Variants in TTC28 observed in about 807,000 individuals in gnomAD.
The protein encoded by TTC28 is tetratricopeptide repeat protein 28.
TTC28 carries 61 observed loss-of-function variants against 198.0 expected under a neutral mutation model. The observed-to-expected ratio is 0.31, with a 90% CI of 0.25 to 0.38. The LOEUF (loss-of-function observed/expected upper bound fraction) is 0.38. TTC28 is among the 10% of genes least tolerant of loss of function. The pLI is 1.00. For missense variants in TTC28, 2,678 were observed against 3,164.0 expected, an observed-to-expected ratio of 0.85 and a Z score of 3.69; for synonymous variants, 1,171 against 1,297.8, an observed-to-expected ratio of 0.90 and a Z score of 2.10.
At chr22:28,361,140 G>A (rs2046152278) in intron 2 of TTC28, among the ~76,000 whole-genome samples, 1 of 152,172 alleles carries the variant, frequency 6.6e-6, no homozygotes, top group Non-Finnish European at 1.5e-5. Flanking sequence ...TCAAGTGAAA[G>A]AAAGAGTTGC....
intron 2 of TTC28, among the ~76,000 whole-genome samples, chr22:28,592,823 A>T (rs2050457795): frequency 6.6e-6 from 1 of 152,120 alleles, no homozygotes; most frequent in Non-Finnish European, 1.5e-5. Flanking sequence ...CCCTTTTCTT[A>T]GAGCACAAGT....
intron 2 of TTC28, among the ~76,000 whole-genome samples, chr22:28,364,059 T>G (rs954256579): frequency 6.6e-6 from 1 of 152,166 alleles, no homozygotes; most frequent in Non-Finnish European, 1.5e-5. Context: ...ATGTAGGACA[T>G]GAGACCTGGG....
intron 2 of TTC28, among the ~76,000 whole-genome samples, chr22:28,480,699 T>C (rs192823991): frequency 6.6e-6 from 1 of 152,238 alleles, no homozygotes; most frequent in African/African-American, 2.4e-5. Flanking sequence ...GCTAATTCTT[T>C]CTAAGACTGT....
intron 18 of TTC28, chr22:27,992,987 G>A: frequency 1.8e-6 from 1 of 562,734 alleles, no homozygotes; most frequent in Non-Finnish European, 3.1e-6. Flanking sequence ...GGCCACAGCT[G>A]CTGATGACAA....
chr22:28,332,288 T>C (rs2045628195), intron 2 of TTC28, among the ~76,000 whole-genome samples: 1 of 151,944 alleles, frequency 6.6e-6, no homozygotes, highest in African/African-American at 2.4e-5. Context: ...AAACAATGCA[T>C]AAGGTCCCTA....
At chr22:28,164,779 CA>C (rs1921693483) in intron 5 of TTC28, among the ~76,000 whole-genome samples, 1 of 152,134 alleles carries the variant, frequency 6.6e-6, no homozygotes, top group South Asian at 2.1e-4. Flanking sequence ...AACAATGGAA[CA>C]AAGCTGAATG....
chr22:28,483,270 A>G (rs2048277198), intron 2 of TTC28, among the ~76,000 whole-genome samples: 2 of 152,146 alleles, frequency 1.3e-5, no homozygotes, highest in Admixed American at 1.3e-4. Flanking sequence ...GCATACAGAC[A>G]TGTAAGTGTC....
intron 6 of TTC28, among the ~76,000 whole-genome samples, chr22:28,121,271 T>C (rs1177490881): frequency 6.6e-6 from 1 of 152,264 alleles, no homozygotes. Context: ...GAACTTGGGC[T>C]TCCCAAGACA....
intron 5 of TTC28, among the ~76,000 whole-genome samples, chr22:28,212,132 T>G (rs1927026789): frequency 6.6e-6 from 1 of 152,126 alleles, no homozygotes. Context: ...AAGCAGTGCA[T>G]AGAGGGAAAT....
rs1376674060 is a variant in TTC28 at position 27,982,421 on chromosome 22, G to A, written c.7246C>T (p.Leu2416=). The change falls in exon 23 of 23, where the codon CTG becomes TTG. Residue 2416 remains leucine, a synonymous_variant. Transcript: ENST00000397906. This position sits in a 1 kb window ranked among gnomAD's most constrained non-coding sequence, Gnocchi z 5.2. ...EGVDKLELKE[L]SLQQHDGAPP... ...GCTCCGTCATGCTGCTGCAGGGACAGCTCCTTCAGTTCAAGCTTATCCACT... is the reference window on the plus strand; with the variant it reads ...GCTCCGTCATGCTGCTGCAGGGACAACTCCTTCAGTTCAAGCTTATCCACT... 1.6e-5 allele frequency: 25 copies of A among 1,551,546 alleles called. No homozygotes were observed. The highest frequency in any genetic ancestry group is 2.2e-5 in the Non-Finnish European group (25 of 1,146,982).
chr22:28,640,317 G>C (rs865989010), intron 1 of TTC28, among the ~76,000 whole-genome samples: 43 of 144,914 alleles, frequency 3.0e-4, no homozygotes, highest in Non-Finnish European at 4.9e-4. Flanking sequence ...AGTAAAGGGG[G>C]GGGGGGGAAA....
chr22:28,630,542 CT>C (rs1256485617), intron 1 of TTC28, among the ~76,000 whole-genome samples: 1 of 152,168 alleles, frequency 6.6e-6, no homozygotes, highest in Non-Finnish European at 1.5e-5. Flanking sequence ...TTTTGAACTA[CT>C]AGCCTCAAGA....
rs972294435 is a variant in TTC28 at position 28,065,465 on chromosome 22, G to A, written c.3932+28615C>T. Among the ~76,000 whole-genome samples the A allele has an allele frequency of 5.3e-5, 8 of 152,040 alleles. 1 individual carries two copies. The highest frequency in any genetic ancestry group is 1.2e-4 in the Non-Finnish European group (8 of 68,006). On this transcript the variant is annotated intron_variant, in intron 12 of 22. Transcript: ENST00000397906. ...TAACATTCTTCTTCTTCATAAAATGGTCGGGCCAACAAGAGTTAGGCATGC... is the reference window on the plus strand; with the variant it reads ...TAACATTCTTCTTCTTCATAAAATGATCGGGCCAACAAGAGTTAGGCATGC...
intron 2 of TTC28, among the ~76,000 whole-genome samples, chr22:28,483,372 A>G (rs1786656760): frequency 6.6e-6 from 1 of 151,962 alleles, no homozygotes; most frequent in South Asian, 2.1e-4. Flanking sequence ...GTGGTCAGGA[A>G]AGGCCTCTCT....
At chr22:28,052,486 C>T (rs1940126758) in intron 12 of TTC28, among the ~76,000 whole-genome samples, 1 of 152,172 alleles carries the variant, frequency 6.6e-6, no homozygotes, top group African/African-American at 2.4e-5. Flanking sequence ...ATAGTTAATA[C>T]ATCTTCTCAA....
chr22:28,367,031 C>A (rs1397136288), intron 2 of TTC28, among the ~76,000 whole-genome samples: 2 of 151,858 alleles, frequency 1.3e-5, no homozygotes, highest in Admixed American at 6.6e-5. Flanking sequence ...ACAGATCTCC[C>A]AGACAAAAAA....
intron 2 of TTC28, among the ~76,000 whole-genome samples, chr22:28,476,438 T>C (rs2048169077): frequency 6.6e-6 from 1 of 152,186 alleles, no homozygotes; most frequent in Non-Finnish European, 1.5e-5. Flanking sequence ...AAAACATAGC[T>C]CCTAGTGCAC....
chr22:28,136,410 G>T (rs1354426038), intron 6 of TTC28, among the ~76,000 whole-genome samples: 1 of 152,106 alleles, frequency 6.6e-6, no homozygotes, highest in Non-Finnish European at 1.5e-5. Context: ...GCCTCCCAAG[G>T]TGCTGGGATT....
intron 2 of TTC28, among the ~76,000 whole-genome samples, chr22:28,479,273 G>A (rs1032516816): frequency 5.9e-5 from 9 of 152,162 alleles, no homozygotes; most frequent in Admixed American, 2.0e-4. Context: ...ACAGCAGGTG[G>A]AAGGAGGGGG....
Sources: gnomAD v4.1 joint callset for allele counts (sites outside exome capture counted in the v4.1 genomes callset) on GRCh38, gnomAD v4.1.1 for gene constraint, Gnocchi (gnomAD v3.1) non-coding constraint, MANE v1.5 for transcripts, NCBI Gene and HGNC (gene_info 2026-07-23, HGNC 2026-07-21) for gene names.